Variants in FRMD5 observed in about 807,000 individuals in gnomAD.
The protein encoded by FRMD5 is FERM domain containing 5.
FRMD5 carries 20 observed loss-of-function variants against 69.0 expected under a neutral mutation model. The ratio of observed to expected loss-of-function variants is 0.29; its 90% CI spans 0.20 to 0.42. FRMD5 has a LOEUF of 0.42. FRMD5 is among the 10% of genes least tolerant of loss of function. The probability of loss-of-function intolerance (pLI) is 1.00; values close to 1 mark genes in which losing one functional copy is unlikely to be tolerated. For synonymous variants in FRMD5, 271 were observed against 260.1 expected (o/e 1.04, Z -0.40); for missense variants, 595 against 708.6 (o/e 0.84, Z 1.82).
intron 1 of FRMD5, among the ~76,000 whole-genome samples, chr15:44,140,520 G>T (rs565848053): frequency 1.3e-5 from 2 of 151,982 alleles, no homozygotes; most frequent in African/African-American, 4.8e-5. Flanking sequence ...AAAATAAAAG[G>T]CACAAGAATT....
At chr15:43,935,703 T>G (rs1300619390) in intron 1 of FRMD5, among the ~76,000 whole-genome samples, 1 of 151,736 alleles carries the variant, frequency 6.6e-6, no homozygotes, top group African/African-American at 2.4e-5. Context: ...TAGGGGTGAG[T>G]GGAGGGGAGG....
chr15:44,146,840 GT>G (rs1275114350), intron 1 of FRMD5, among the ~76,000 whole-genome samples: 1 of 152,092 alleles, frequency 6.6e-6, no homozygotes, highest in African/African-American at 2.4e-5. Flanking sequence ...TTTTAATGGG[GT>G]TGTTTGATTT....
chr15:44,103,035 A>G (rs985454673), intron 1 of FRMD5, among the ~76,000 whole-genome samples: 37 of 152,230 alleles, frequency 2.4e-4, no homozygotes, highest in African/African-American at 8.9e-4. Flanking sequence ...AAGTCATGGT[A>G]GGGAGATTTT....
intron 1 of FRMD5, among the ~76,000 whole-genome samples, chr15:43,990,983 G>A (rs758174369): frequency 9.2e-5 from 14 of 152,212 alleles, no homozygotes; most frequent in Admixed American, 2.6e-4. Context: ...TACAGTGAAA[G>A]AGGTACTATA....
At chr15:44,086,059 G>A (rs144650342) in intron 1 of FRMD5, among the ~76,000 whole-genome samples, 1,585 of 152,198 alleles carry the variant, frequency 0.01, 22 homozygotes, top group Middle Eastern at 0.031. Context: ...CCTGAAGACT[G>A]CAGGAATGAG....
chr15:43,913,812 C>T (rs1379165382), intron 4 of FRMD5, among the ~76,000 whole-genome samples: 2 of 152,198 alleles, frequency 1.3e-5, no homozygotes, highest in Non-Finnish European at 1.5e-5. Flanking sequence ...CCTTCTGACT[C>T]GGCCCATGGT....
At chr15:43,914,701 A>G (rs548586617) in intron 4 of FRMD5, among the ~76,000 whole-genome samples, 1 of 142,752 alleles carries the variant, frequency 7.0e-6, no homozygotes, top group Non-Finnish European at 1.5e-5. Context: ...CAGTCCTCCC[A>G]GCAACTCTAT....
intron 7 of FRMD5, among the ~76,000 whole-genome samples, chr15:43,898,252 A>G (rs1331682445): frequency 6.6e-6 from 1 of 152,308 alleles, no homozygotes; most frequent in East Asian, 1.9e-4. Context: ...TTCGAGCCTC[A>G]GTATTGTGTT....
intron 1 of FRMD5, among the ~76,000 whole-genome samples, chr15:43,937,680 C>T (rs2089784877): frequency 6.7e-6 from 1 of 149,638 alleles, no homozygotes. Flanking sequence ...CTGGGAACAA[C>T]ATCCATGGAA....
intron 5 of FRMD5, 98 bp from the exon 6 acceptor site, chr15:43,906,049 C>T (rs1180652200): frequency 7.0e-6 from 10 of 1,425,544 alleles, no homozygotes; most frequent in Non-Finnish European, 9.8e-6. Context: ...AGCCAAAATA[C>T]ACATCAGATT....
intron 1 of FRMD5, among the ~76,000 whole-genome samples, chr15:43,982,369 A>G (rs1190148848): frequency 6.6e-6 from 1 of 152,240 alleles, no homozygotes; most frequent in East Asian, 1.9e-4. Context: ...AATGGAATCA[A>G]TCCAGTAAAA....
chr15:44,143,472 G>T (rs1241342559), intron 1 of FRMD5, among the ~76,000 whole-genome samples: 1 of 152,030 alleles, frequency 6.6e-6, no homozygotes, highest in African/African-American at 2.4e-5. Flanking sequence ...CACTGGCCAT[G>T]AAGAACTATG....
chr15:44,088,277 T>C (rs1038123712), intron 1 of FRMD5, among the ~76,000 whole-genome samples: 2 of 152,128 alleles, frequency 1.3e-5, no homozygotes, highest in Non-Finnish European at 2.9e-5. Context: ...AAAGAAACCA[T>C]GTGCCCATTA....
intron 1 of FRMD5, among the ~76,000 whole-genome samples, chr15:43,948,248 A>T (rs140497397): frequency 1.3e-4 from 20 of 152,296 alleles, no homozygotes; most frequent in African/African-American, 4.3e-4. Context: ...AAAAATAACC[A>T]AGTTGACAGG....
intron 1 of FRMD5, among the ~76,000 whole-genome samples, chr15:44,118,217 C>A (rs1474789961): frequency 1.3e-5 from 2 of 152,002 alleles, no homozygotes; most frequent in Non-Finnish European, 2.9e-5. Flanking sequence ...TAAGGCCTAC[C>A]TGAGCCAAAT....
At chr15:43,980,868 G>A (rs933061765) in intron 1 of FRMD5, among the ~76,000 whole-genome samples, 2 of 152,080 alleles carry the variant, frequency 1.3e-5, no homozygotes, top group African/African-American at 4.8e-5. Flanking sequence ...GAACAATGCA[G>A]GAGTTAGGGT....
At chr15:43,947,356 TA>T (rs1245183427) in intron 1 of FRMD5, among the ~76,000 whole-genome samples, 3 of 152,224 alleles carry the variant, frequency 2.0e-5, no homozygotes, top group Admixed American at 6.5e-5. Context: ...CCAAACTCCA[TA>T]TATTTAAAAG....
intron 1 of FRMD5, among the ~76,000 whole-genome samples, chr15:44,120,950 T>C (rs1287171856): frequency 6.6e-6 from 1 of 152,134 alleles, no homozygotes; most frequent in Admixed American, 6.5e-5. Context: ...GAACACAGCC[T>C]GAACTCAGTC....
At position 44,074,692 on chromosome 15, in the gene FRMD5, A is replaced by G. The variant is rs118116173; in HGVS notation, c.102+120261T>C. Among the ~76,000 whole-genome samples, 1,084 of 152,226 alleles carry G rather than the reference A, an allele frequency of 7.1e-3. 5 individuals carry two copies. The highest frequency in any genetic ancestry group is 0.014 in the Middle Eastern group (4 of 294). ...AGGTTTTTCACTAGGTCTTAGGGTTACAGGGATATCATTGAGAAGTCCATG... is the reference window on the plus strand; with the variant it reads ...AGGTTTTTCACTAGGTCTTAGGGTTGCAGGGATATCATTGAGAAGTCCATG... On this transcript the variant is annotated intron_variant, in intron 1 of 13. Transcript: ENST00000417257.
Sources: gnomAD v4.1 joint callset for allele counts (sites outside exome capture counted in the v4.1 genomes callset) on GRCh38, gnomAD v4.1.1 for gene constraint, MANE v1.5 for transcripts, NCBI Gene and HGNC (gene_info 2026-07-23, HGNC 2026-07-21) for gene names.